ITGA1: variants seen among roughly 807,000 people sequenced by gnomAD.
The protein encoded by ITGA1 is integrin subunit alpha 1, also known as integrin alpha-1.
In ITGA1, 85 loss-of-function variants were observed where a neutral mutation model predicts 145.9. The ratio of observed to expected loss-of-function variants is 0.58; its 90% CI spans 0.49 to 0.70. The LOEUF is 0.70. Among genes scored for constraint, ITGA1 ranks in the 30% least tolerant of loss-of-function variants. The probability of loss-of-function intolerance (pLI) is 0.00; values close to 1 mark genes in which losing one functional copy is unlikely to be tolerated. For synonymous variants in ITGA1, 520 were observed against 495.3 expected, an observed-to-expected ratio of 1.05 and a Z score of -0.66; for missense variants, 1,351 against 1,418.7, an observed-to-expected ratio of 0.95 and a Z score of 0.77.
chr5:52,945,143 C>A (rs767628085), intron 27 of ITGA1, 108 bp downstream of exon 27: 2 of 746,090 alleles, frequency 2.7e-6, no homozygotes, highest in Non-Finnish European at 4.6e-6. Context: ...GTATTGCTCT[C>A]GGTAAGTGAC....
intron 1 of ITGA1, among the ~76,000 whole-genome samples, chr5:52,823,786 A>C (rs1337903268): frequency 2.0e-5 from 3 of 152,258 alleles, no homozygotes; most frequent in African/African-American, 7.2e-5. Context: ...CTAGGAGAAA[A>C]CAAGGAAAAA....
At chr5:52,850,097 G>C (rs1046648428) in intron 2 of ITGA1, among the ~76,000 whole-genome samples, 4 of 151,314 alleles carry the variant, frequency 2.6e-5, no homozygotes, top group Non-Finnish European at 5.9e-5. Flanking sequence ...CCGCCTCCTG[G>C]GTTCAAGTGA....
chr5:52,902,259 T>G (rs1384133630), intron 11 of ITGA1: 2 of 152,202 alleles, frequency 1.3e-5, no homozygotes, highest in Admixed American at 1.3e-4. Context: ...TACCCCATCT[T>G]TCTATTACCC....
At position 52,954,731 on chromosome 5, in the gene ITGA1, T is replaced by C. The variant is rs961274846; in HGVS notation, c.*2280T>C. 5.3e-5 allele frequency: 8 copies of C among 152,186 alleles called. No individual in the cohort carries two copies. The highest frequency in any genetic ancestry group is 1.2e-4 in the Non-Finnish European group (8 of 68,034). 9.4% of individuals were successfully genotyped at this position (152,186 alleles called of 1,614,324 possible). A position where few individuals can be genotyped will look rare whatever the true frequency, so the allele number is the denominator to read the frequency against. On this transcript the variant is annotated 3_prime_UTR_variant, in exon 29 of 29. Coordinates refer to ENST00000282588, the MANE Select transcript of ITGA1 (RefSeq NM_181501.2). ...TTACAGAAAATAAACACAAAAGCTA[T>C]ATCTGCAAGACAAGTTTGATTCATC...
intron 1 of ITGA1, among the ~76,000 whole-genome samples, chr5:52,820,454 A>G (rs1748859060): frequency 6.6e-6 from 1 of 150,534 alleles, no homozygotes; most frequent in Non-Finnish European, 1.5e-5. Context: ...GCACACCAAC[A>G]TGGCACATGT....
intron 19 of ITGA1, among the ~76,000 whole-genome samples, chr5:52,925,951 A>G (rs1165061065): frequency 2.6e-5 from 4 of 152,170 alleles, no homozygotes; most frequent in African/African-American, 9.7e-5. Flanking sequence ...ATTGATTTGT[A>G]ACAGAGGTTT....
rs574927818 is a variant in ITGA1, at chr5:52,847,139, G to T, written c.62-2226G>T. 3.8e-3 allele frequency among the ~76,000 whole-genome samples: 578 copies of T among 152,178 alleles called. 4 individuals are homozygous for T. The highest frequency in any genetic ancestry group is 8.3e-3 in the South Asian group (40 of 4,822). ...TATTTAATAATTATCTCCATGAGAG[G>T]TTTCTTAAAAAATAAGAAAGGAGGT... On this transcript the variant is annotated intron_variant, in intron 1 of 28. Coordinates refer to ENST00000282588, the MANE Select transcript of ITGA1 (RefSeq NM_181501.2).
chr5:52,804,707 A>G (rs1748557770), intron 1 of ITGA1, among the ~76,000 whole-genome samples: 1 of 152,206 alleles, frequency 6.6e-6, no homozygotes, highest in Non-Finnish European at 1.5e-5. Context: ...TATACATATG[A>G]AACGGTCTGT....
intron 15 of ITGA1, among the ~76,000 whole-genome samples, chr5:52,918,063 C>A (rs1400074442): frequency 6.6e-6 from 1 of 152,114 alleles, no homozygotes; most frequent in African/African-American, 2.4e-5. Context: ...TTACTCTGAT[C>A]TCATTTTGGA....
chr5:52,910,292 CT>C lies in ITGA1; in HGVS notation c.1731del (p.Val578Ter). On this transcript the variant is annotated frameshift_variant, in exon 14 of 29. Coordinates refer to ENST00000282588, the MANE Select transcript of ITGA1 (RefSeq NM_181501.2). LOFTEE classifies it high-confidence loss of function. ...CGARFGTAIAAVKDLNLDGFN... is the reference protein window; with the variant it reads ...CGARFGTAIAXVKDLNLDGFN... ...GCTCGTTTTGGAACTGCAATTGCTG[CT>C]GTAAAAGACCTCAATCTTGATGGAT... 6.2e-7 allele frequency: 1 copy of C among 1,613,974 alleles called. No individual in the cohort carries two copies. Among genetic ancestry groups the C allele is most frequent in the Non-Finnish European group, 8.5e-7 (1 of 1,179,934 alleles).
intron 1 of ITGA1, among the ~76,000 whole-genome samples, chr5:52,823,723 A>G (rs1161274896): frequency 6.6e-6 from 1 of 152,214 alleles, no homozygotes; most frequent in East Asian, 1.9e-4. Flanking sequence ...GAGACTGAGA[A>G]AGCAGTGCAG....
chr5:52,903,854 C>T (rs1350299191), intron 11 of ITGA1: 2 of 152,190 alleles, frequency 1.3e-5, no homozygotes, highest in Admixed American at 1.3e-4. Context: ...AAAAATTAAT[C>T]TTAAAGACAC....
chr5:52,912,192 A>G (rs1281873467), intron 14 of ITGA1, among the ~76,000 whole-genome samples: 3 of 144,050 alleles, frequency 2.1e-5, no homozygotes, highest in Non-Finnish European at 4.5e-5. Flanking sequence ...TACGCTATAT[A>G]TAGTGTATCT....
At chr5:52,838,405 T>C (rs1402714194) in intron 1 of ITGA1, among the ~76,000 whole-genome samples, 1 of 152,144 alleles carries the variant, frequency 6.6e-6, no homozygotes, top group African/African-American at 2.4e-5. Flanking sequence ...TTGGTTTTGG[T>C]TGAGGTACAC....
chr5:52,949,459 A>G (rs1751185686), intron 28 of ITGA1, among the ~76,000 whole-genome samples: 1 of 152,200 alleles, frequency 6.6e-6, no homozygotes, highest in South Asian at 2.1e-4. Flanking sequence ...TTTTCGACCA[A>G]GTATTTTAAC....
chr5:52,926,943 G>C (rs539204700), intron 19 of ITGA1, among the ~76,000 whole-genome samples: 1 of 152,014 alleles, frequency 6.6e-6, no homozygotes, highest in East Asian at 1.9e-4. Context: ...TTTTTTTCAT[G>C]TTTCAACATT....
intron 1 of ITGA1, among the ~76,000 whole-genome samples, chr5:52,822,273 A>G (rs1296100854): frequency 6.6e-6 from 1 of 152,212 alleles, no homozygotes; most frequent in African/African-American, 2.4e-5. Context: ...TGTTTTGCCT[A>G]CAGTAGATTG....
chr5:52,933,773 A>G, intron 22 of ITGA1, 121 bp from the exon 23 acceptor site: 1 of 412,374 alleles, frequency 2.4e-6, no homozygotes, highest in East Asian at 3.9e-5. Flanking sequence ...GAATTCCCCT[A>G]TGATTTGAAA....
intron 27 of ITGA1, 105 bp downstream of exon 27, chr5:52,945,140 TC>T: frequency 1.3e-6 from 1 of 789,340 alleles, no homozygotes. Flanking sequence ...CTGGTATTGC[TC>T]TCGGTAAGTG....
Sources: allele counts gnomAD v4.1 joint callset (sites outside exome capture counted in the v4.1 genomes callset), GRCh38; gene constraint gnomAD v4.1.1; transcripts MANE v1.5; gene names NCBI Gene and HGNC (gene_info 2026-07-23, HGNC 2026-07-21).